Variants in ARL8A observed in about 807,000 individuals in gnomAD.
ARL8A encodes the protein ARF like GTPase 8A, also known as ADP-ribosylation factor-like protein 8A.
Under a neutral mutation model 31.2 loss-of-function variants are expected in ARL8A, and 10 were observed. The ratio of observed to expected loss-of-function variants is 0.32; its 90% CI spans 0.20 to 0.54. ARL8A has a LOEUF of 0.54. Ranked by LOEUF, ARL8A falls within the 20% of genes least tolerant of loss-of-function variation. The probability of loss-of-function intolerance (pLI) is 0.93; values close to 1 mark genes in which losing one functional copy is unlikely to be tolerated. For missense variants in ARL8A, 129 were observed against 242.8 expected, an observed-to-expected ratio of 0.53 and a Z score of 3.12; for synonymous variants, 70 against 86.9, an observed-to-expected ratio of 0.81 and a Z score of 1.08.
rs764264698 is a variant in ARL8A, at chr1:202,135,669, G to A, written c.372+38C>T. The A allele has an allele frequency of 2.1e-5, 33 of 1,597,660 alleles. No homozygotes were observed. Among genetic ancestry groups the A allele is most frequent in the African/African-American group, 4.0e-5 (3 of 74,478 alleles). Reference sequence around the variant, plus strand: ...ACCTGCTCCCAGTGACTTCCCAGCCGAGCTCCCTCCCCATCCCGCTCCCTC... The same window carrying A: ...ACCTGCTCCCAGTGACTTCCCAGCCAAGCTCCCTCCCCATCCCGCTCCCTC... On this transcript the variant is annotated intron_variant, in intron 4 of 6. Coordinates refer to ENST00000272217, the MANE Select transcript of ARL8A (RefSeq NM_138795.4). This position sits in a 1 kb window ranked among gnomAD's most constrained non-coding sequence, Gnocchi z 5.3.
intron 3 of ARL8A, among the ~76,000 whole-genome samples, chr1:202,136,112 TTA>T (rs1425555271): frequency 1.3e-5 from 2 of 152,154 alleles, no homozygotes; most frequent in African/African-American, 2.4e-5. Context: ...AGTGACCCAC[TTA>T]TGTTTTCATG....
At chr1:202,136,617 T>A (rs1190875387) in intron 3 of ARL8A, among the ~76,000 whole-genome samples, 1 of 152,056 alleles carries the variant, frequency 6.6e-6, no homozygotes, top group Non-Finnish European at 1.5e-5. Context: ...TCACCCAGGG[T>A]GGAGTGCAGT....
At chr1:202,143,509 C>T (rs1239092268) in intron 1 of ARL8A, among the ~76,000 whole-genome samples, 4 of 152,214 alleles carry the variant, frequency 2.6e-5, no homozygotes, top group African/African-American at 9.6e-5. Flanking sequence ...CCCATGCTTC[C>T]TCGACCCACA....
chr1:202,135,273 G>A lies in ARL8A; in HGVS notation c.441-53C>T. 6.4e-7 allele frequency: 1 copy of A among 1,561,562 alleles called. No individual in the cohort carries two copies. Among genetic ancestry groups the A allele is most frequent in the South Asian group, 1.1e-5 (1 of 89,958 alleles). ...GAGGCTACGAACGTCCAGGGGGCCT[G>A]GGGCTAGGGGACAGCGGGGCCTTTT... On this transcript the variant is annotated intron_variant, in intron 5 of 6. Transcript: ENST00000272217. This position sits in a 1 kb window ranked among gnomAD's most constrained non-coding sequence, Gnocchi z 5.3.
chr1:202,138,272 A>G lies in ARL8A; in HGVS notation c.204+96T>C, dbSNP rs1242657586. Reference sequence around the variant, plus strand: ...TGCCCCACTTCAGCTCGCTCCTCCCAGGGGCCTCCGTTGCCCTCCCCAACA... The same window carrying G: ...TGCCCCACTTCAGCTCGCTCCTCCCGGGGGCCTCCGTTGCCCTCCCCAACA... On this transcript the variant is annotated intron_variant, in intron 2 of 6. Transcript: ENST00000272217. The surrounding 1 kb of genome is among the most constrained non-coding windows in gnomAD (Gnocchi z 4.4). 6 of 1,407,694 alleles carry G rather than the reference A, an allele frequency of 4.3e-6. No homozygotes were observed. The highest frequency in any genetic ancestry group is 5.9e-6 in the Non-Finnish European group (6 of 1,008,646). 87.2% of individuals were successfully genotyped at this position (1,407,694 alleles called of 1,614,324 possible).
chr1:202,139,905 C>T (rs1177015369), intron 1 of ARL8A, among the ~76,000 whole-genome samples: 1 of 151,942 alleles, frequency 6.6e-6, no homozygotes, highest in African/African-American at 2.4e-5. Flanking sequence ...ACCTGGGCCT[C>T]CCAAAGCGCT....
chr1:202,135,373 A>G lies in ARL8A; in HGVS notation c.440+86T>C. ...GCTCTGCTGCCACCGTGTGGCTAAT[A>G]CTAAGAACAGCAGCAAGCCTAGGCT... On this transcript the variant is annotated intron_variant, in intron 5 of 6. Transcript: ENST00000272217. The surrounding 1 kb of genome is among the most constrained non-coding windows in gnomAD (Gnocchi z 5.3). The G allele has an allele frequency of 6.5e-7, 1 of 1,535,864 alleles. No individual in the cohort carries two copies. The highest frequency in any genetic ancestry group is 9.0e-7 in the Non-Finnish European group (1 of 1,109,170).
Position 202,135,560 on chromosome 1 carries a change from G to A in ARL8A, c.373-34C>T. 2 of 1,611,084 alleles carry A rather than the reference G, an allele frequency of 1.2e-6. No individual in the cohort carries two copies. The highest frequency in any genetic ancestry group is 1.7e-6 in the Non-Finnish European group (2 of 1,177,396). Reference sequence around the variant, plus strand: ...AAGGGAGGGTGAGGATGAGGTCTAGGGCAGCCGTGCCCAGGTTGTCTGGGT... The same window carrying A: ...AAGGGAGGGTGAGGATGAGGTCTAGAGCAGCCGTGCCCAGGTTGTCTGGGT... On this transcript the variant is annotated intron_variant, in intron 4 of 6. Transcript: ENST00000272217. The surrounding 1 kb of genome is among the most constrained non-coding windows in gnomAD (Gnocchi z 5.3).
rs1245108602 is a variant in ARL8A, at chr1:202,144,733, G to A, written c.-161C>T. The A allele has an allele frequency of 9.0e-6, 7 of 776,978 alleles. No homozygotes were observed. Among genetic ancestry groups the A allele is most frequent in the Non-Finnish European group, 1.1e-5 (7 of 630,666 alleles). 48.1% of individuals were successfully genotyped at this position (776,978 alleles called of 1,614,324 possible). On this transcript the variant is annotated 5_prime_UTR_variant, in exon 1 of 7. Coordinates refer to ENST00000272217, the MANE Select transcript of ARL8A (RefSeq NM_138795.4). The surrounding 1 kb of genome is among the most constrained non-coding windows in gnomAD (Gnocchi z 5.2). ...GCCGACGACTCGCTGCCCCGGAATC[G>A]GCTCGCCGATGGGTGTGGCTTCCGC... is the stretch of plus-strand genomic sequence containing the variant.
At position 202,138,013 on chromosome 1, in the gene ARL8A, C is replaced by T. The variant is rs763895773; in HGVS notation, c.230G>A (p.Arg77His). 1.2e-6 allele frequency: 2 copies of T among 1,614,098 alleles called. No individual in the cohort carries two copies. The highest frequency in any genetic ancestry group is 2.2e-5 in the East Asian group (1 of 44,884). The change falls in exon 3 of 7, where the codon CGT becomes CAT. Residue 77 changes from arginine to histidine, a missense_variant. By Grantham distance (29) the Arg-to-His change is conservative. Transcript: ENST00000272217. This position sits in a 1 kb window ranked among gnomAD's most constrained non-coding sequence, Gnocchi z 4.4. ...GTAGCGCTCCCACATGCTGCGGAAA[C>T]GCGGCTGTCCCCCAATGTCCCAGAG... ...IKLWDIGGQP[R>H]FRSMWERYCR... is the part of the protein sequence containing the mutation.
At chr1:202,136,051 CT>C (rs1259414488) in intron 3 of ARL8A, among the ~76,000 whole-genome samples, 3 of 152,188 alleles carry the variant, frequency 2.0e-5, no homozygotes, top group Non-Finnish European at 4.4e-5. Flanking sequence ...GAAGCCGTTA[CT>C]CATGTGGAAA....
intron 3 of ARL8A, among the ~76,000 whole-genome samples, chr1:202,136,432 G>A (rs995363214): frequency 6.6e-6 from 1 of 151,766 alleles, no homozygotes; most frequent in Non-Finnish European, 1.5e-5. Context: ...GGCACATGCC[G>A]CCACGCCCGG....
chr1:202,141,435 G>C (rs888941672), intron 1 of ARL8A, among the ~76,000 whole-genome samples: 1 of 151,638 alleles, frequency 6.6e-6, no homozygotes, highest in African/African-American at 2.4e-5. Flanking sequence ...TGAGGTCAGG[G>C]GTTCGAGACC....
Position 202,138,294 on chromosome 1 carries a change from A to AACACACACAC in ARL8A, c.204+64_204+73dup, listed in dbSNP as rs10531175. The AACACACACAC allele has an allele frequency of 2.0e-4, 267 of 1,337,902 alleles. 1 individual carries two copies. The African/African-American group carries it at 3.7e-3, about 18-fold the overall frequency. 82.9% of individuals were successfully genotyped at this position (1,337,902 alleles called of 1,614,324 possible). A position where few individuals can be genotyped will look rare whatever the true frequency, so the allele number is the denominator to read the frequency against. On this transcript the variant is annotated intron_variant, in intron 2 of 6. Coordinates refer to ENST00000272217, the MANE Select transcript of ARL8A (RefSeq NM_138795.4). This position sits in a 1 kb window ranked among gnomAD's most constrained non-coding sequence, Gnocchi z 4.4. The stretch of plus-strand genomic sequence containing the variant: ...CCCAGGGGCCTCCGTTGCCCTCCCC[A>AACACACACAC]ACACACACACACACACACACACACA...
rs761795024 is a variant in ARL8A at position 202,135,831 on chromosome 1, T to C, written c.279-31A>G. 12 of 1,563,998 alleles carry C rather than the reference T, an allele frequency of 7.7e-6. No individual in the cohort carries two copies. The African/African-American group carries it at 1.2e-4, about 16-fold the overall frequency. On this transcript the variant is annotated intron_variant, in intron 3 of 6. Transcript: ENST00000272217. This position sits in a 1 kb window ranked among gnomAD's most constrained non-coding sequence, Gnocchi z 5.3. Reference sequence around the variant, plus strand: ...GAAAGAGGCAGGGTGGGGACAAGCATGTTGACACCACAGGCTGAGGTGGTG... The same window carrying C: ...GAAAGAGGCAGGGTGGGGACAAGCACGTTGACACCACAGGCTGAGGTGGTG...
At chr1:202,136,008 G>A (rs1654995506) in intron 3 of ARL8A, among the ~76,000 whole-genome samples, 1 of 152,104 alleles carries the variant, frequency 6.6e-6, no homozygotes. Flanking sequence ...GGACTCCTTA[G>A]GCCTGCCATT....
Position 202,133,894 on chromosome 1 carries a change from C to T in ARL8A, c.*573G>A, listed in dbSNP as rs909347409. 5 of 152,130 alleles carry T rather than the reference C, an allele frequency of 3.3e-5. No individual in the cohort carries two copies. Among genetic ancestry groups the T allele is most frequent in the African/African-American group, 1.2e-4 (5 of 41,414 alleles). The allele number at this position is 152,130 out of a possible 1,614,324, so 9.4% of individuals were successfully genotyped here. ...CAAGCCAGATTGGGCGGTGGAAACA[C>T]ACGGGACAGGGAGGCGGCCACCAGT... On this transcript the variant is annotated 3_prime_UTR_variant, in exon 7 of 7. Transcript: ENST00000272217.
In ARL8A at chr1:202,135,431, G is replaced by A. The variant is rs779645934; in HGVS notation, c.440+28C>T. ...TGGTGGTTGGGGAATTGGGAGAGCA[G>A]AAAGTAATATAGAGTCACCCAACTC... On this transcript the variant is annotated intron_variant, in intron 5 of 6. Coordinates refer to ENST00000272217, the MANE Select transcript of ARL8A (RefSeq NM_138795.4). The surrounding 1 kb of genome is among the most constrained non-coding windows in gnomAD (Gnocchi z 5.3). 5.6e-6 allele frequency: 9 copies of A among 1,608,738 alleles called. No individual in the cohort carries two copies. The East Asian group carries it at 6.7e-5, about 12-fold the overall frequency.
In ARL8A at chr1:202,144,650, C is replaced by G; in HGVS notation, c.-78G>C. ...CCTCGCGCTGCGGCCCGGAGCGGCC[C>G]CTCCCCGGTACGGCCCGGGTCCCGC... On this transcript the variant is annotated 5_prime_UTR_variant, in exon 1 of 7. Transcript: ENST00000272217. This position sits in a 1 kb window ranked among gnomAD's most constrained non-coding sequence, Gnocchi z 5.2. 2 of 1,184,236 alleles carry G rather than the reference C, an allele frequency of 1.7e-6. No homozygotes were observed. The highest frequency in any genetic ancestry group is 2.1e-6 in the Non-Finnish European group (2 of 948,884). The allele number at this position is 1,184,236 out of a possible 1,614,324, so 73.4% of individuals were successfully genotyped here.
Sources: allele counts gnomAD v4.1 joint callset (sites outside exome capture counted in the v4.1 genomes callset), GRCh38; gene constraint gnomAD v4.1.1; non-coding constraint Gnocchi (gnomAD v3.1); transcripts MANE v1.5; gene names NCBI Gene and HGNC (gene_info 2026-07-23, HGNC 2026-07-21).